The following VPS11 variants were observed in gnomAD, a reference collection of about 807,000 sequenced individuals.
VPS11 encodes the protein VPS11 core subunit of CORVET and HOPS complexes.
In VPS11, 51 loss-of-function variants were observed where a neutral mutation model predicts 106.8. The ratio of observed to expected loss-of-function variants is 0.48; its 90% confidence interval spans 0.38 to 0.60. VPS11 has a LOEUF of 0.60. Ranked by LOEUF, VPS11 falls within the 20% of genes least tolerant of loss-of-function variation. The probability of loss-of-function intolerance (pLI) is 0.00; values close to 1 mark genes in which losing one functional copy is unlikely to be tolerated. For missense variants in VPS11, 950 were observed against 1,190.0 expected (o/e 0.80, Z 2.97); for synonymous variants, 453 against 458.7 (o/e 0.99, Z 0.16).
intron 5 of VPS11, 131 bp from the exon 6 acceptor site, chr11:119,073,067 T>A (rs1278012551): frequency 1.0e-6 from 1 of 1,001,792 alleles, no homozygotes; most frequent in South Asian, 1.6e-5. Flanking sequence ...GCGCTGCATG[T>A]TATGGGATGA....
Position 119,070,234 on chromosome 11 carries a change from G to C in VPS11, c.473G>C (p.Gly158Ala), listed in dbSNP as rs1945323828. 1 of 1,608,100 alleles carries C rather than the reference G, an allele frequency of 6.2e-7. No individual in the cohort carries two copies. The highest frequency in any genetic ancestry group is 8.5e-7 in the Non-Finnish European group (1 of 1,176,426). The change falls in exon 4 of 16, where the codon GGT (glycine) becomes GCT (alanine). Residue 158 changes from glycine (G) to alanine (A), a missense_variant and splice_region_variant. Transcript: ENST00000621676. Reference protein sequence around the residue: ...VHENLNFMAIGFTDGSVTLNK... With the variant: ...VHENLNFMAIAFTDGSVTLNK... ...AAGTAATTTTCTTGTTTTCTTACAG[G>C]TTTCACAGATGGCAGTGTTACATTG... is the stretch of plus-strand genomic sequence containing the variant.
At chr11:119,076,202 C>A (rs1053971069) in intron 7 of VPS11, among the ~76,000 whole-genome samples, 3 of 139,542 alleles carry the variant, frequency 2.1e-5, no homozygotes, top group African/African-American at 8.2e-5. Flanking sequence ...TCCAGCCTGG[C>A]GAAATAGCGA....
rs373716111 is a variant in VPS11 at position 119,078,666 on chromosome 11, C to T, written c.2025C>T (p.Phe675=). 10 of 1,613,452 alleles carry T rather than the reference C, an allele frequency of 6.2e-6. No individual in the cohort carries two copies. Among genetic ancestry groups the T allele is most frequent in the Non-Finnish European group, 8.5e-6 (10 of 1,179,560 alleles). ...TGGTCCTGTGCCAGATGCACGACTT[C>T]CAGGATGGTGTCCTTTACCTTTATG... is the stretch of plus-strand genomic sequence containing the variant. ...KALVLCQMHD[F]QDGVLYLYEQ... The change falls in exon 12 of 16, where the codon TTC becomes TTT. Residue 675 remains phenylalanine (F), a synonymous_variant. Coordinates refer to ENST00000621676, the MANE Select transcript of VPS11 (RefSeq NM_021729.6).
chr11:119,081,300 C>A lies in VPS11; in HGVS notation c.2647C>A (p.Gln883Lys). The change falls in exon 15 of 16, where the codon CAA (glutamine) becomes AAA (lysine). Residue 883 changes from glutamine (Q) to lysine (K), a missense_variant. By Grantham distance (53) the Gln-to-Lys change is moderately conservative. This residue lies in a region of VPS11 where 453 missense variants were observed against 514.6 expected (regional missense o/e 0.88). Coordinates refer to ENST00000621676, the MANE Select transcript of VPS11 (RefSeq NM_021729.6). Reference protein sequence around the residue: ...AQEQKRDLHDQFQHQLKCSND... With the variant: ...AQEQKRDLHDKFQHQLKCSND... ...GGAACAGAAACGAGATCTCCATGATCAATTCCAGCATCAGGTGGGGATGAG... is the reference window on the plus strand; with the variant it reads ...GGAACAGAAACGAGATCTCCATGATAAATTCCAGCATCAGGTGGGGATGAG... 2 of 1,613,994 alleles carry A rather than the reference C, an allele frequency of 1.2e-6. No homozygotes were observed. Among genetic ancestry groups the A allele is most frequent in the South Asian group, 1.1e-5 (1 of 91,072 alleles).
rs782621825 is a variant in VPS11 at position 119,071,710 on chromosome 11, G to A, written c.751G>A (p.Gly251Arg). 1.1e-5 allele frequency: 17 copies of A among 1,613,882 alleles called. No individual in the cohort carries two copies. The highest frequency in any genetic ancestry group is 6.7e-5 in the African/African-American group (5 of 74,912). Reference sequence around the variant, plus strand: ...TCAGGACCTGCAGTTCATTGTGGCCGGGGATGAGTGTGTCTACTTGTACCA... The same window carrying A: ...TCAGGACCTGCAGTTCATTGTGGCCAGGGATGAGTGTGTCTACTTGTACCA... ...PSQDLQFIVAGDECVYLYQPD... is the reference protein window; with the variant it reads ...PSQDLQFIVARDECVYLYQPD... Residue 251 changes from glycine (G) to arginine (R), a missense_variant, in exon 5 of 16, where the codon GGG (glycine) becomes AGG (arginine). Transcript: ENST00000621676.
chr11:119,076,971 C>T lies in VPS11; in HGVS notation c.1313C>T (p.Ala438Val), dbSNP rs1309509778. 2 of 1,613,964 alleles carry T rather than the reference C, an allele frequency of 1.2e-6. No homozygotes were observed. Among genetic ancestry groups the T allele is most frequent in the Non-Finnish European group, 1.7e-6 (2 of 1,179,862 alleles). ...LDAQRIHNLT[A>V]YLQTLHRQSL... is the part of the protein sequence containing the mutation. The stretch of plus-strand genomic sequence containing the variant: ...GCCCAGCGCATTCACAACCTGACTG[C>T]CTACCTGCAGACCCTGCACCGACAA... Residue 438 changes from alanine (A) to valine (V), a missense_variant, in exon 8 of 16, where the codon GCC becomes GTC. Ala to Val is a moderately conservative substitution (Grantham distance 64, BLOSUM62 0). Around this residue, in one of 3 missense-constraint regions of VPS11, gnomAD observed 435 missense variants for 630.2 expected, o/e 0.69. Transcript: ENST00000621676.
rs539555921 is a variant in VPS11 at position 119,076,932 on chromosome 11, G to T, written c.1274G>T (p.Arg425Leu). Residue 425 changes from arginine (R) to leucine (L), a missense_variant, in exon 8 of 16, where the codon CGC becomes CTC. This residue lies in a region of VPS11 where 435 missense variants were observed against 630.2 expected (regional missense o/e 0.69). Coordinates refer to ENST00000621676, the MANE Select transcript of VPS11 (RefSeq NM_021729.6). ...IGKLEPSYVI[R>L]KFLDAQRIHN... is the part of the protein sequence containing the mutation. ...AAGTTGGAGCCATCCTACGTGATCC[G>T]CAAGTTTCTGGATGCCCAGCGCATT... The T allele has an allele frequency of 6.2e-7, 1 of 1,613,934 alleles. No individual in the cohort carries two copies. The highest frequency in any genetic ancestry group is 2.2e-5 in the East Asian group (1 of 44,882).
Position 119,081,261 on chromosome 11 carries a change from A to T in VPS11, c.2608A>T (p.Met870Leu), listed in dbSNP as rs1474409221. Reference protein sequence around the residue: ...CLPENRKVMDMIRAQEQKRDL... With the variant: ...CLPENRKVMDLIRAQEQKRDL... ...CCCTGAAAACCGGAAGGTCATGGATATGATCCGGGCCCAGGAACAGAAACG... is the reference window on the plus strand; with the variant it reads ...CCCTGAAAACCGGAAGGTCATGGATTTGATCCGGGCCCAGGAACAGAAACG... Residue 870 changes from methionine to leucine, a missense_variant, in exon 15 of 16, where the codon ATG becomes TTG. Around this residue, in one of 3 missense-constraint regions of VPS11, gnomAD observed 453 missense variants for 514.6 expected, o/e 0.88. Coordinates refer to ENST00000621676, the MANE Select transcript of VPS11 (RefSeq NM_021729.6). The T allele has an allele frequency of 6.2e-7, 1 of 1,614,018 alleles. No homozygotes were observed. The highest frequency in any genetic ancestry group is 8.5e-7 in the Non-Finnish European group (1 of 1,179,904).
chr11:119,081,713 A>G lies in VPS11; in HGVS notation c.*90A>G. 6.7e-7 allele frequency: 1 copy of G among 1,500,736 alleles called. No individual in the cohort carries two copies. The highest frequency in any genetic ancestry group is 9.0e-7 in the Non-Finnish European group (1 of 1,113,354). The allele number at this position is 1,500,736 out of a possible 1,614,324, so 93.0% of individuals were successfully genotyped here. A position where few individuals can be genotyped will look rare whatever the true frequency, so the allele number is the denominator to read the frequency against. ...CGGGCGTTACACAGAAGGCTGGCTGACATGCCCAGGGCTCCACTCTCATCT... is the reference window on the plus strand; with the variant it reads ...CGGGCGTTACACAGAAGGCTGGCTGGCATGCCCAGGGCTCCACTCTCATCT... On this transcript the variant is annotated 3_prime_UTR_variant, in exon 16 of 16. Coordinates refer to ENST00000621676, the MANE Select transcript of VPS11 (RefSeq NM_021729.6).
At position 119,078,159 on chromosome 11, in the gene VPS11, T is replaced by C. The variant is rs782165270; in HGVS notation, c.1762-14T>C. 4 of 1,612,118 alleles carry C rather than the reference T, an allele frequency of 2.5e-6. No homozygotes were observed. The African/African-American group carries it at 4.0e-5, about 16-fold the overall frequency. ...CACTCATTCAGCCTCCTTTTTCCTC[T>C]CTTGCCATCCTAGGCCAACTCTGAG... On this transcript the variant is annotated splice_polypyrimidine_tract_variant and intron_variant, in intron 10 of 15. Transcript: ENST00000621676.
At chr11:119,078,462 G>A (rs1197124771) in intron 11 of VPS11, 103 bp from the exon 12 acceptor site, 3 of 1,572,380 alleles carry the variant, frequency 1.9e-6, no homozygotes, top group East Asian at 2.3e-5. Context: ...ATGGTCCTCT[G>A]TGAAGAGGGA....
Position 119,079,306 on chromosome 11 carries a change from C to T in VPS11, c.2438+6C>T, listed in dbSNP as rs782606077. On this transcript the variant is annotated splice_donor_region_variant and intron_variant, in intron 14 of 15. Transcript: ENST00000621676. ...ATCCAAGAGCTCAAGGCCAGGTACC[C>T]GGGGCATGGATATGTGGAGGAGTCC... The T allele has an allele frequency of 7.0e-6, 11 of 1,581,780 alleles. No homozygotes were observed. The highest frequency in any genetic ancestry group is 2.3e-5 in the South Asian group (2 of 86,882).
chr11:119,068,932 A>G (rs1945240434), intron 1 of VPS11, among the ~76,000 whole-genome samples: 1 of 14,196 alleles, frequency 7.0e-5, no homozygotes, highest in African/African-American at 2.9e-4. Flanking sequence ...TTGTATTTTT[A>G]GTAGAGACAG....
chr11:119,080,443 A>T (rs1945810182), intron 14 of VPS11, among the ~76,000 whole-genome samples: 2 of 150,916 alleles, frequency 1.3e-5, no homozygotes, highest in South Asian at 4.2e-4. Flanking sequence ...ATCTCGGCTC[A>T]CTGCAACCTC....
chr11:119,077,949 C>T lies in VPS11; in HGVS notation c.1644C>T (p.Tyr548=), dbSNP rs543135449. ...FEQAESNMKR[Y]GKILMHHIPE... ...AGGCAGAGAGCAACATGAAGCGCTACGGCAAGATCCTCATGCACCACATAC... is the reference window on the plus strand; with the variant it reads ...AGGCAGAGAGCAACATGAAGCGCTATGGCAAGATCCTCATGCACCACATAC... The change falls in exon 10 of 16, where the codon TAC becomes TAT. Residue 548 remains tyrosine, a synonymous_variant. Coordinates refer to ENST00000621676, the MANE Select transcript of VPS11 (RefSeq NM_021729.6). 2.1e-5 allele frequency: 34 copies of T among 1,614,026 alleles called. No homozygotes were observed. Among genetic ancestry groups the T allele is most frequent in the Admixed American group, 3.3e-5 (2 of 60,032 alleles).
intron 14 of VPS11, among the ~76,000 whole-genome samples, chr11:119,080,399 G>T (rs781816769): frequency 6.8e-6 from 1 of 146,058 alleles, no homozygotes; most frequent in South Asian, 2.2e-4. Flanking sequence ...ACGAAGTCTC[G>T]CTCTTGTCCC....
intron 4 of VPS11, among the ~76,000 whole-genome samples, chr11:119,071,295 C>T (rs540256944): frequency 3.9e-5 from 6 of 152,206 alleles, no homozygotes; most frequent in South Asian, 2.1e-4. Flanking sequence ...CCTGGTGCCC[C>T]AGATTTACAA....
chr11:119,080,942 T>C, intron 14 of VPS11, 150 bp from the exon 15 acceptor site: 1 of 702,648 alleles, frequency 1.4e-6, no homozygotes. Context: ...TTCATTTGAC[T>C]CCCTTAAGGC....
At position 119,070,927 on chromosome 11, in the gene VPS11, C is replaced by CTT. The variant is rs34565601; in HGVS notation, c.636+544_636+545dup. 157 of 111,214 alleles carry CTT rather than the reference C, an allele frequency of 1.4e-3. 1 individual carries two copies. The highest frequency in any genetic ancestry group is 3.6e-3 in the South Asian group (13 of 3,656). 6.9% of individuals were successfully genotyped at this position (111,214 alleles called of 1,614,324 possible). The stretch of plus-strand genomic sequence containing the variant: ...GGCCTTGAATTTTATTTCTAACTAG[C>CTT]TTTTTTTTTTTTTTTCTTTGAGACA... On this transcript the variant is annotated intron_variant, in intron 4 of 15. Coordinates refer to ENST00000621676, the MANE Select transcript of VPS11 (RefSeq NM_021729.6).
Sources: gnomAD v4.1 joint callset for allele counts (sites outside exome capture counted in the v4.1 genomes callset) on GRCh38, gnomAD v4.1.1 for gene constraint, gnomAD v4.1.1 regional missense constraint, MANE v1.5 for transcripts, NCBI Gene and HGNC (gene_info 2026-07-23, HGNC 2026-07-21) for gene names.